The following AOC2 variants were observed in gnomAD, a reference collection of about 807,000 sequenced individuals.
AOC2 encodes amine oxidase [copper-containing] 2.
Under a neutral mutation model 53.8 loss-of-function variants are expected in AOC2, and 57 were observed. That is an observed-to-expected ratio of 1.06 (90% CI 0.86 to 1.32). The LOEUF (loss-of-function observed/expected upper bound fraction) is 1.32, where lower values mean the gene tolerates loss of function less well. Among genes scored for constraint, AOC2 ranks in the 40% most tolerant of loss-of-function variants. The pLI is 0.00. For missense variants in AOC2, 1,008 were observed against 957.2 expected (o/e 1.05, Z -0.70); for synonymous variants, 404 against 399.0 (o/e 1.01, Z -0.15).
At chr17:42,848,524 A>AATATATATATACAT (rs1567686432) in intron 1 of AOC2, among the ~76,000 whole-genome samples, 1 of 131,286 alleles carries the variant, frequency 7.6e-6, no homozygotes, top group African/African-American at 3.3e-5. Flanking sequence ...AGAGGAACTG[A>AATATATATATACAT]ATATATATAT....
rs1394432089 is a variant in AOC2 at position 42,849,166 on chromosome 17, C to T, written c.1669C>T (p.Arg557Cys). The T allele has an allele frequency of 9.3e-6, 15 of 1,614,072 alleles. No individual in the cohort carries two copies. Among genetic ancestry groups the T allele is most frequent in the East Asian group, 4.5e-5 (2 of 44,892 alleles). Residue 557 changes from arginine (R) to cysteine (C), a missense_variant, in exon 2 of 4, where the codon CGC becomes TGC. Transcript: ENST00000253799. ...APWNPEHWLQ[R>C]PQLTRQVLGK... ...CTGGAACCCGGAGCACTGGCTACAGCGCCCACAGCTGACTCGGCAGGTCCT... is the reference window on the plus strand; with the variant it reads ...CTGGAACCCGGAGCACTGGCTACAGTGCCCACAGCTGACTCGGCAGGTCCT...
In AOC2 at chr17:42,845,360, A is replaced by G. The variant is rs559337366; in HGVS notation, c.734A>G (p.His245Arg). The G allele has an allele frequency of 6.9e-5, 112 of 1,614,174 alleles. 1 individual carries two copies. The South Asian group carries it at 1.2e-3, about 17-fold the overall frequency. The stretch of plus-strand genomic sequence containing the variant: ...GTGGGGCTGGAGCTACTACTGGACC[A>G]CAGGGCCCTGGACCCTGCCCACTGG... The part of the protein sequence containing the change: ...HPVGLELLLD[H>R]RALDPAHWTV... The change falls in exon 1 of 4, where the codon CAC (histidine) becomes CGC (arginine). Residue 245 changes from histidine to arginine, a missense_variant. Physicochemically the swap from His to Arg is conservative, Grantham distance 29. Transcript: ENST00000253799.
Position 42,849,315 on chromosome 17 carries a change from C to G in AOC2, c.1818C>G (p.Pro606=), listed in dbSNP as rs764499212. ...GGTACCGAATCCAGATCCACAGCCC[C>G]CTTGGCATACACATACCCCTGGAGA... ...QRGYRIQIHS[P]LGIHIPLESD... is the part of the protein sequence containing the mutation. Residue 606 remains proline (P), a synonymous_variant, in exon 2 of 4, where the codon CCC becomes CCG. Coordinates refer to ENST00000253799, the MANE Select transcript of AOC2 (RefSeq NM_009590.4). 3 of 1,614,094 alleles carry G rather than the reference C, an allele frequency of 1.9e-6. No homozygotes were observed. In the African/African-American group the frequency reaches 4.0e-5, roughly 22 times the overall value.
At position 42,846,049 on chromosome 17, in the gene AOC2, C is replaced by G. The variant is rs1164871636; in HGVS notation, c.1423C>G (p.Pro475Ala). 4 of 1,609,790 alleles carry G rather than the reference C, an allele frequency of 2.5e-6. No individual in the cohort carries two copies. Among genetic ancestry groups the G allele is most frequent in the African/African-American group, 1.3e-5 (1 of 74,804 alleles). The change falls in exon 1 of 4, where the codon CCA (proline) becomes GCA (alanine). Residue 475 changes from proline to alanine, a missense_variant. Physicochemically the swap from Pro to Ala is conservative, Grantham distance 27. Transcript: ENST00000253799. ...YDYIWDFVLY[P>A]NGALEGRVHA... is the part of the protein sequence containing the mutation. ...CTACATTTGGGACTTTGTGTTGTAC[C>G]CAAATGGGGCACTTGAAGGGCGGGT...
chr17:42,848,546 C>CATAT lies in AOC2; in HGVS notation c.1589-523_1589-520dup, dbSNP rs200422278. Among the ~76,000 whole-genome samples, 186 of 117,662 alleles carry CATAT rather than the reference C, an allele frequency of 1.6e-3. 3 individuals are homozygous for CATAT. Among genetic ancestry groups the CATAT allele is most frequent in the Middle Eastern group, 4.3e-3 (1 of 230 alleles). 77.2% of individuals were successfully genotyped at this position (117,662 alleles called of 152,430 possible). A position where few individuals can be genotyped will look rare whatever the true frequency, so the allele number is the denominator to read the frequency against. On this transcript the variant is annotated intron_variant, in intron 1 of 3. Coordinates refer to ENST00000253799, the MANE Select transcript of AOC2 (RefSeq NM_009590.4). ...CTGAATATATATATATATATATATA[C>CATAT]ATATATATATATATATATATTTTAG...
In AOC2 at chr17:42,849,604, C is replaced by T. The variant is rs1423324420; in HGVS notation, c.1878C>T (p.Tyr626=). The change falls in exon 3 of 4, where the codon TAC becomes TAT. Residue 626 remains tyrosine, a synonymous_variant. Transcript: ENST00000253799. ...CCTTCTTATGATTCCTGGCCAGATA[C>T]CAGCTTGTGGTGACCCAGAGAAAGG... The part of the protein sequence containing the change: ...DMERALSWGR[Y]QLVVTQRKEE... 2 of 1,614,074 alleles carry T rather than the reference C, an allele frequency of 1.2e-6. No homozygotes were observed. The highest frequency in any genetic ancestry group is 1.7e-6 in the Non-Finnish European group (2 of 1,180,044).
At position 42,849,812 on chromosome 17, in the gene AOC2, G is replaced by A. The variant is rs1164542077; in HGVS notation, c.2004+82G>A. 3.2e-6 allele frequency: 5 copies of A among 1,585,150 alleles called. No individual in the cohort carries two copies. The Admixed American group carries it at 8.5e-5, about 27-fold the overall frequency. On this transcript the variant is annotated intron_variant, in intron 3 of 3. Transcript: ENST00000253799. ...CCCAGCCTCTGGCCAAAGGTTAGAG[G>A]GAATGGCTGATTTCCAGTTCGCAGA... is the stretch of plus-strand genomic sequence containing the variant.
At position 42,845,700 on chromosome 17, in the gene AOC2, T is replaced by G; in HGVS notation, c.1074T>G (p.Ser358Arg). ...GTGAGCGAATAGCCTATGAAGTCAG[T>G]GTCCAGGAGTGTGTATCTATCTATG... ...FQGERIAYEV[S>R]VQECVSIYGA... is the part of the protein sequence containing the mutation. Residue 358 changes from serine to arginine, a missense_variant, in exon 1 of 4, where the codon AGT becomes AGG. Transcript: ENST00000253799. 1 of 1,614,174 alleles carries G rather than the reference T, an allele frequency of 6.2e-7. No individual in the cohort carries two copies. Among genetic ancestry groups the G allele is most frequent in the Non-Finnish European group, 8.5e-7 (1 of 1,180,026 alleles).
In AOC2 at chr17:42,844,616, C is replaced by T; in HGVS notation, c.-11C>T. ...CTGTTAGAATTCTGATTTCAGCTCT[C>T]AGCATCCACCATGCATCTCAAGATA... is the stretch of plus-strand genomic sequence containing the variant. On this transcript the variant is annotated 5_prime_UTR_variant, in exon 1 of 4. Transcript: ENST00000253799. 1 of 1,595,982 alleles carries T rather than the reference C, an allele frequency of 6.3e-7. No homozygotes were observed. Among genetic ancestry groups the T allele is most frequent in the Non-Finnish European group, 8.6e-7 (1 of 1,166,922 alleles).
chr17:42,846,268 G>GAGGGA, intron 1 of AOC2, 54 bp downstream of exon 1: 1 of 1,436,002 alleles, frequency 7.0e-7, no homozygotes, highest in Non-Finnish European at 9.3e-7. Context: ...AGGTGGGGTG[G>GAGGGA]AGGGAAGGGA....
intron 1 of AOC2, among the ~76,000 whole-genome samples, chr17:42,848,065 CTTT>C (rs61450612): frequency 0.03 from 3,015 of 101,158 alleles, 176 homozygotes; most frequent in African/African-American, 0.14. Context: ...CATGCCCGGC[CTTT>C]TTTTTTTTTT....
chr17:42,846,951 G>A (rs1002860776), intron 1 of AOC2, among the ~76,000 whole-genome samples: 3 of 152,194 alleles, frequency 2.0e-5, no homozygotes, highest in Admixed American at 1.3e-4. Flanking sequence ...CATTTTAAGG[G>A]AAACTAAGGA....
Position 42,849,072 on chromosome 17 carries a change from C to T in AOC2, c.1589-14C>T, listed in dbSNP as rs767766603. On this transcript the variant is annotated splice_polypyrimidine_tract_variant and intron_variant, in intron 1 of 3. Transcript: ENST00000253799. ...CCTGGTGTGGAACTCATCTCCTTTC[C>T]CTCCCCCTGGCAGGGCTGAAAAACT... 6.2e-7 allele frequency: 1 copy of T among 1,600,080 alleles called. No homozygotes were observed. The highest frequency in any genetic ancestry group is 1.3e-5 in the African/African-American group (1 of 74,750).
Position 42,849,212 on chromosome 17 carries a change from CT to C in AOC2, c.1720del (p.Ser574ProfsTer57). On this transcript the variant is annotated frameshift_variant, in exon 2 of 4. Transcript: ENST00000253799. LOFTEE classifies it high-confidence loss of function. ...GTCCTGGGAAAGGAGGACCTGACAGCTTTTTCCTTGGGAAGCCCCCTACCCC... is the reference window on the plus strand; with the variant it reads ...GTCCTGGGAAAGGAGGACCTGACAGCTTTTCCTTGGGAAGCCCCCTACCCC... ...RQVLGKEDLT[A>X]FSLGSPLPRY... is the part of the protein sequence containing the mutation. 1.9e-6 allele frequency: 3 copies of C among 1,614,196 alleles called. No homozygotes were observed. Among genetic ancestry groups the C allele is most frequent in the East Asian group, 2.2e-5 (1 of 44,890 alleles).
At position 42,844,927 on chromosome 17, in the gene AOC2, C is replaced by CA. The variant is rs771912470; in HGVS notation, c.301_302insA (p.Pro101HisfsTer36). ...CTTCTCAGTGGAGCTGCAGCTGCCC[C>CA]CCAAGGCTGCAGCCCTGGCCCACCT... is the stretch of plus-strand genomic sequence containing the variant. On this transcript the variant is annotated frameshift_variant, in exon 1 of 4. Coordinates refer to ENST00000253799, the MANE Select transcript of AOC2 (RefSeq NM_009590.4). LOFTEE classifies it high-confidence loss of function. The CA allele has an allele frequency of 2.5e-6, 4 of 1,612,792 alleles. No individual in the cohort carries two copies. In the African/African-American group the frequency reaches 5.3e-5, roughly 22 times the overall value.
chr17:42,849,214 T>C lies in AOC2; in HGVS notation c.1717T>C (p.Phe573Leu). ...QVLGKEDLTA[F>L]SLGSPLPRYL... is the part of the protein sequence containing the mutation. The stretch of plus-strand genomic sequence containing the variant: ...CCTGGGAAAGGAGGACCTGACAGCT[T>C]TTTCCTTGGGAAGCCCCCTACCCCG... The change falls in exon 2 of 4, where the codon TTT (phenylalanine) becomes CTT (leucine). Residue 573 changes from phenylalanine to leucine, a missense_variant. Physicochemically the swap from Phe to Leu is conservative, Grantham distance 22. Coordinates refer to ENST00000253799, the MANE Select transcript of AOC2 (RefSeq NM_009590.4). The C allele has an allele frequency of 6.2e-7, 1 of 1,614,056 alleles. No individual in the cohort carries two copies. The highest frequency in any genetic ancestry group is 8.5e-7 in the Non-Finnish European group (1 of 1,179,990).
Position 42,850,529 on chromosome 17 carries a change from T to A in AOC2, c.*181T>A. On this transcript the variant is annotated 3_prime_UTR_variant, in exon 4 of 4. Coordinates refer to ENST00000253799, the MANE Select transcript of AOC2 (RefSeq NM_009590.4). ...TACTTCCTGTTCATCTCTAAAGTGT[T>A]AAATTATAAAAATGATTTTTAAATA... 1 of 588,556 alleles carries A rather than the reference T, an allele frequency of 1.7e-6. No homozygotes were observed. Among genetic ancestry groups the A allele is most frequent in the Non-Finnish European group, 2.7e-6 (1 of 375,426 alleles). 36.5% of individuals were successfully genotyped at this position (588,556 alleles called of 1,614,324 possible). A position where few individuals can be genotyped will look rare whatever the true frequency, so the allele number is the denominator to read the frequency against.
Position 42,845,325 on chromosome 17 carries a change from C to T in AOC2, c.699C>T (p.Phe233=). ...LYHNISGVGL[F]LHPVGLELLL... ...ATAACATCTCAGGGGTTGGTCTTTT[C>T]CTTCACCCCGTGGGGCTGGAGCTAC... Residue 233 remains phenylalanine (F), a synonymous_variant, in exon 1 of 4, where the codon TTC becomes TTT. Transcript: ENST00000253799. 1 of 1,614,236 alleles carries T rather than the reference C, an allele frequency of 6.2e-7. No individual in the cohort carries two copies. Among genetic ancestry groups the T allele is most frequent in the African/African-American group, 1.3e-5 (1 of 75,066 alleles).
intron 1 of AOC2, among the ~76,000 whole-genome samples, chr17:42,846,451 C>T (rs1007486638): frequency 1.3e-5 from 2 of 152,206 alleles, no homozygotes; most frequent in Non-Finnish European, 2.9e-5. Flanking sequence ...CGCCCAGCCC[C>T]TCTGACTTGC....
Sources: gnomAD v4.1 joint callset for allele counts (sites outside exome capture counted in the v4.1 genomes callset) on GRCh38, gnomAD v4.1.1 for gene constraint, MANE v1.5 for transcripts, NCBI Gene and HGNC (gene_info 2026-07-23, HGNC 2026-07-21) for gene names.